Variants in LRBA observed in about 807,000 individuals in gnomAD.
LRBA encodes the protein LPS responsive beige-like anchor protein.
In LRBA, 176 loss-of-function variants were observed where a neutral mutation model predicts 330.0. That is an observed-to-expected ratio of 0.53 (90% confidence interval 0.47 to 0.60). The LOEUF (loss-of-function observed/expected upper bound fraction) is 0.60. Among genes scored for constraint, LRBA ranks in the 20% least tolerant of loss-of-function variants. The pLI, the probability that LRBA is intolerant of heterozygous loss-of-function variation, is 0.00. For synonymous variants in LRBA, 1,230 were observed against 1,193.0 expected, an observed-to-expected ratio of 1.03 and a Z score of -0.64; for missense variants, 3,259 against 3,444.8, an observed-to-expected ratio of 0.95 and a Z score of 1.35.
intron 43 of LRBA, among the ~76,000 whole-genome samples, chr4:150,470,481 C>T (rs1400460648): frequency 6.6e-6 from 1 of 152,102 alleles, no homozygotes; most frequent in Non-Finnish European, 1.5e-5. Flanking sequence ...GCTGATCTCA[C>T]ATCTCTTGGT....
intron 40 of LRBA, among the ~76,000 whole-genome samples, chr4:150,528,655 G>A (rs1763739145): frequency 6.6e-6 from 1 of 152,022 alleles, no homozygotes; most frequent in Admixed American, 6.5e-5. Flanking sequence ...AGTGAGTCAA[G>A]GAACGAGGTA....
chr4:150,926,942 G>A (rs1419047476), intron 4 of LRBA, among the ~76,000 whole-genome samples: 1 of 151,572 alleles, frequency 6.6e-6, no homozygotes, highest in East Asian at 1.9e-4. Context: ...GTGGTGGTGT[G>A]CGCCTGTAAT....
At chr4:150,782,871 A>G (rs1308053955) in intron 34 of LRBA, among the ~76,000 whole-genome samples, 1 of 151,848 alleles carries the variant, frequency 6.6e-6, no homozygotes, top group Non-Finnish European at 1.5e-5. Flanking sequence ...AAAATATGCA[A>G]AGGAAACAAA....
rs576194231 is a variant in LRBA at position 150,885,525 on chromosome 4, G to A, written c.2165+7527C>T. On this transcript the variant is annotated intron_variant, in intron 17 of 56. Coordinates refer to ENST00000651943, the MANE Select transcript of LRBA (RefSeq NM_001364905.1). ...AGTCCCAGCTACTTGGGAGGCTGAG[G>A]CACGAGAATCACCTGAACCCAGGAG... Among the ~76,000 whole-genome samples, 11 of 152,180 alleles carry A rather than the reference G, an allele frequency of 7.2e-5. No homozygotes were observed. The South Asian group carries it at 2.3e-3, about 32-fold the overall frequency.
chr4:150,761,757 A>C, intron 35 of LRBA, 26 bp downstream of exon 35: 1 of 1,437,526 alleles, frequency 7.0e-7, no homozygotes, highest in Non-Finnish European at 9.5e-7. Flanking sequence ...GAAAAATACA[A>C]AATGAATTAA....
chr4:150,346,538 G>T (rs1010535437), intron 48 of LRBA, among the ~76,000 whole-genome samples: 4 of 151,800 alleles, frequency 2.6e-5, no homozygotes, highest in African/African-American at 9.7e-5. Context: ...AAGGCTGGCA[G>T]ATCATGAGGT....
At chr4:150,904,637 A>C (rs989939684) in intron 13 of LRBA, among the ~76,000 whole-genome samples, 3 of 152,178 alleles carry the variant, frequency 2.0e-5, no homozygotes, top group Non-Finnish European at 4.4e-5. Flanking sequence ...ACAAAAAAGT[A>C]TCTAGTAAAA....
At chr4:150,366,397 A>T (rs949403581) in intron 47 of LRBA, among the ~76,000 whole-genome samples, 1 of 152,236 alleles carries the variant, frequency 6.6e-6, no homozygotes, top group African/African-American at 2.4e-5. Flanking sequence ...AATTCAACTC[A>T]TAGGATGCAG....
chr4:150,476,137 T>C (rs969561183), intron 42 of LRBA, among the ~76,000 whole-genome samples: 1 of 152,222 alleles, frequency 6.6e-6, no homozygotes, highest in Non-Finnish European at 1.5e-5. Flanking sequence ...TCTATTTTTC[T>C]ACTTGCTTTG....
chr4:150,462,696 T>C (rs953235815), intron 44 of LRBA, among the ~76,000 whole-genome samples: 14 of 151,776 alleles, frequency 9.2e-5, no homozygotes, highest in South Asian at 2.1e-4. Context: ...GATATAAATA[T>C]GCATAAATAA....
chr4:150,699,586 T>C (rs1268233451), intron 36 of LRBA, among the ~76,000 whole-genome samples: 4 of 152,152 alleles, frequency 2.6e-5, no homozygotes, highest in Admixed American at 2.6e-4. Flanking sequence ...CAGAGATTAC[T>C]TGAAGAAAAA....
At chr4:150,678,609 A>T in intron 37 of LRBA, among the ~76,000 whole-genome samples, 1 of 152,154 alleles carries the variant, frequency 6.6e-6, no homozygotes, top group East Asian at 1.9e-4. Context: ...TTGTTTTGTT[A>T]GCTATTGATT....
chr4:150,567,495 T>C (rs1769287554), intron 40 of LRBA, among the ~76,000 whole-genome samples: 1 of 152,078 alleles, frequency 6.6e-6, no homozygotes, highest in Non-Finnish European at 1.5e-5. Flanking sequence ...CCAGTAAAAA[T>C]CTGATGGCTT....
At chr4:150,392,317 T>A (rs948704434) in intron 47 of LRBA, among the ~76,000 whole-genome samples, 1 of 152,188 alleles carries the variant, frequency 6.6e-6, no homozygotes, top group Non-Finnish European at 1.5e-5. Context: ...TTTTACTGGA[T>A]TGTAGACAGT....
intron 46 of LRBA, among the ~76,000 whole-genome samples, chr4:150,426,756 C>T (rs984805768): frequency 4.0e-5 from 6 of 151,796 alleles, no homozygotes; most frequent in Non-Finnish European, 8.8e-5. Context: ...TATATGCCCA[C>T]AAAAATATTT....
chr4:150,484,018 G>T (rs1345258960), intron 42 of LRBA, among the ~76,000 whole-genome samples: 2 of 151,940 alleles, frequency 1.3e-5, no homozygotes, highest in African/African-American at 2.4e-5. Flanking sequence ...TCTAACAGTT[G>T]TTGTTGTTGC....
intron 34 of LRBA, among the ~76,000 whole-genome samples, chr4:150,788,137 G>A (rs1318352883): frequency 6.6e-6 from 1 of 151,788 alleles, no homozygotes; most frequent in African/African-American, 2.4e-5. Flanking sequence ...CAGTGGCATG[G>A]TCTTGGCTCA....
intron 16 of LRBA, among the ~76,000 whole-genome samples, chr4:150,895,130 A>T (rs1269794004): frequency 6.6e-6 from 1 of 152,054 alleles, no homozygotes; most frequent in Non-Finnish European, 1.5e-5. Context: ...AAATGCTGTG[A>T]TGTATTATAT....
At chr4:150,315,920 T>G (rs1731661489) in intron 50 of LRBA, among the ~76,000 whole-genome samples, 1 of 152,164 alleles carries the variant, frequency 6.6e-6, no homozygotes, top group African/African-American at 2.4e-5. Context: ...AATTAAGTGG[T>G]AAAGCGCACT....
Sources: allele counts gnomAD v4.1 joint callset (sites outside exome capture counted in the v4.1 genomes callset), GRCh38; gene constraint gnomAD v4.1.1; transcripts MANE v1.5; gene names NCBI Gene and HGNC (gene_info 2026-07-23, HGNC 2026-07-21).